Variants in HNRNPH2 observed in about 807,000 individuals in gnomAD.
HNRNPH2 encodes the protein FTP-3.
For missense variants in HNRNPH2, 115 were observed against 352.9 expected, an observed-to-expected ratio of 0.33 and a Z score of 5.40; for synonymous variants, 128 against 128.2, an observed-to-expected ratio of 1.00 and a Z score of 0.01.
chrX:101,413,540 T>C lies in HNRNPH2; in HGVS notation c.*202T>C. ...GAAAACGAGTTAAGTTTAACAGTTT[T>C]GCATTACAGGCTTGTGATTCATGCT... On this transcript the variant is annotated 3_prime_UTR_variant, in exon 2 of 2. Coordinates refer to ENST00000316594, the MANE Select transcript of HNRNPH2 (RefSeq NM_019597.5). 2.7e-6 allele frequency: 1 copy of C among 372,572 alleles called. No homozygotes were observed. The allele number at this position is 372,572 out of a possible 1,213,427, so 30.7% of individuals were successfully genotyped here.
At chrX:101,410,636 A>G (rs782424438) in intron 1 of HNRNPH2, among the ~76,000 whole-genome samples, 18 of 111,418 alleles carry the variant, frequency 1.6e-4, no homozygotes, top group Non-Finnish European at 3.2e-4. Context: ...TTCCTTTAAC[A>G]TATATTTATG....
Position 101,411,840 on chromosome X carries a change from C to A in HNRNPH2, c.-53-96C>A, listed in dbSNP as rs782584491. The A allele has an allele frequency of 5.5e-6, 5 of 916,414 alleles. No individual in the cohort carries two copies. The East Asian group carries it at 1.3e-4, about 24-fold the overall frequency. The allele number at this position is 916,414 out of a possible 1,213,427, so 75.5% of individuals were successfully genotyped here. A position where few individuals can be genotyped will look rare whatever the true frequency, so the allele number is the denominator to read the frequency against. ...TACAGACGTCTTACAGAAAAGCTGTCAGCATAATTGAATTTTCTATTAATA... is the reference window on the plus strand; with the variant it reads ...TACAGACGTCTTACAGAAAAGCTGTAAGCATAATTGAATTTTCTATTAATA... On this transcript the variant is annotated intron_variant, in intron 1 of 1. Coordinates refer to ENST00000316594, the MANE Select transcript of HNRNPH2 (RefSeq NM_019597.5).
At position 101,413,065 on chromosome X, in the gene HNRNPH2, C is replaced by T. The variant is rs782280483; in HGVS notation, c.1077C>T (p.Leu359=). Residue 359 remains leucine, a synonymous_variant, in exon 2 of 2, where the codon CTC becomes CTT. Coordinates refer to ENST00000316594, the MANE Select transcript of HNRNPH2 (RefSeq NM_019597.5). Reference sequence around the variant, plus strand: ...ATATGCAACACAGATATGTGGAGCTCTTCTTAAATTCTACTGCAGGAACAA... The same window carrying T: ...ATATGCAACACAGATATGTGGAGCTTTTCTTAAATTCTACTGCAGGAACAA... ...KANMQHRYVE[L]FLNSTAGTSG... 2.5e-6 allele frequency: 3 copies of T among 1,211,687 alleles called. No individual in the cohort carries two copies. Among genetic ancestry groups the T allele is most frequent in the South Asian group, 3.5e-5 (2 of 56,986 alleles).
intron 1 of HNRNPH2, 59 bp downstream of exon 1, chrX:101,408,378 G>T (rs1928629664): frequency 5.9e-6 from 1 of 169,101 alleles, no homozygotes; most frequent in Non-Finnish European, 1.1e-5. Flanking sequence ...ACCAGAGCGG[G>T]GTTCGGGGGC....
Position 101,410,764 on chromosome X carries a change from C to T in HNRNPH2, c.-53-1172C>T, listed in dbSNP as rs374229135. Among the ~76,000 whole-genome samples, 18 of 111,536 alleles carry T rather than the reference C, an allele frequency of 1.6e-4. 3 individuals carry two copies. In the East Asian group the frequency reaches 1.7e-3, roughly 10 times the overall value. On this transcript the variant is annotated intron_variant, in intron 1 of 1. Coordinates refer to ENST00000316594, the MANE Select transcript of HNRNPH2 (RefSeq NM_019597.5). ...TGGTGAAGTCACCCTACATACTCCCCGGTTTAAAAGTCTTAAAAGGCGCTT... is the reference window on the plus strand; with the variant it reads ...TGGTGAAGTCACCCTACATACTCCCTGGTTTAAAAGTCTTAAAAGGCGCTT...
At chrX:101,411,744 C>T (rs1256920646) in intron 1 of HNRNPH2, among the ~76,000 whole-genome samples, 192 bp from the exon 2 acceptor site, 1 of 111,246 alleles carries the variant, frequency 9.0e-6, no homozygotes, top group Non-Finnish European at 1.9e-5. Context: ...TGGTATCTAA[C>T]ACGTAATAGG....
chrX:101,408,238 A>C lies in HNRNPH2; in HGVS notation c.-135A>C. 1 of 322,379 alleles carries C rather than the reference A, an allele frequency of 3.1e-6. No homozygotes were observed. Among genetic ancestry groups the C allele is most frequent in the East Asian group, 6.5e-5 (1 of 15,287 alleles). 26.6% of individuals were successfully genotyped at this position (322,379 alleles called of 1,213,427 possible). ...CACGTGATTACTCGCTTACGTGAGC[A>C]GAAGTAGTTCTGGTCGTCGTCTACC... On this transcript the variant is annotated 5_prime_UTR_variant, in exon 1 of 2. Coordinates refer to ENST00000316594, the MANE Select transcript of HNRNPH2 (RefSeq NM_019597.5).
At chrX:101,408,655 C>T (rs1928653059) in intron 1 of HNRNPH2, among the ~76,000 whole-genome samples, 1 of 111,562 alleles carries the variant, frequency 9.0e-6, no homozygotes, top group Admixed American at 9.5e-5. Context: ...GAGTGCTGGT[C>T]TATCCATTCA....
intron 1 of HNRNPH2, among the ~76,000 whole-genome samples, chrX:101,408,983 T>A (rs1252109943): frequency 1.8e-5 from 2 of 111,304 alleles, no homozygotes; most frequent in Non-Finnish European, 3.8e-5. Flanking sequence ...CACAAATTCT[T>A]AACTCACAAA....
At chrX:101,411,440 A>C (rs1405894557) in intron 1 of HNRNPH2, among the ~76,000 whole-genome samples, 1 of 35,598 alleles carries the variant, frequency 2.8e-5, no homozygotes, top group Non-Finnish European at 4.5e-5. Context: ...TTTGAGACGG[A>C]GTTTTGCTCT....
In HNRNPH2 at chrX:101,412,186, A is replaced by G. The variant is rs782476057; in HGVS notation, c.198A>G (p.Glu66=). ...TTGTTGAACTTGAATCTGAAGAGGA[A>G]GTGAAATTGGCTTTGAAGAAGGACA... ...EAFVELESEE[E]VKLALKKDRE... Residue 66 remains glutamate, a synonymous_variant, in exon 2 of 2, where the codon GAA becomes GAG. Coordinates refer to ENST00000316594, the MANE Select transcript of HNRNPH2 (RefSeq NM_019597.5). The G allele has an allele frequency of 1.7e-6, 2 of 1,210,331 alleles. No homozygotes were observed. The highest frequency in any genetic ancestry group is 2.2e-5 in the Admixed American group (1 of 45,866).
At chrX:101,408,821 TAAC>T (rs1476324593) in intron 1 of HNRNPH2, among the ~76,000 whole-genome samples, 11 of 112,144 alleles carry the variant, frequency 9.8e-5, no homozygotes, top group South Asian at 7.3e-4. Flanking sequence ...TTTCTGCTGA[TAAC>T]AACAATCTAC....
chrX:101,409,174 A>T (rs1174118723), intron 1 of HNRNPH2, among the ~76,000 whole-genome samples: 1 of 111,302 alleles, frequency 9.0e-6, no homozygotes, highest in Non-Finnish European at 1.9e-5. Context: ...ATCCTGCAAA[A>T]TGAAATAAAA....
At chrX:101,410,885 G>GA (rs781861881) in intron 1 of HNRNPH2, among the ~76,000 whole-genome samples, 3 of 109,781 alleles carry the variant, frequency 2.7e-5, no homozygotes, top group Non-Finnish European at 5.7e-5. Context: ...TCATAATTAA[G>GA]AAAAAAAAAT....
At chrX:101,410,276 G>A (rs193165630) in intron 1 of HNRNPH2, among the ~76,000 whole-genome samples, 1 of 112,304 alleles carries the variant, frequency 8.9e-6, no homozygotes, top group African/African-American at 3.2e-5. Context: ...GTCAAAAGGC[G>A]TGATACATAT....
Position 101,412,579 on chromosome X carries a change from C to A in HNRNPH2, c.591C>A (p.Pro197=), listed in dbSNP as rs782690849. Residue 197 remains proline, a synonymous_variant, in exon 2 of 2, where the codon CCC becomes CCA. Transcript: ENST00000316594. ...SRAEVRTHYD[P]PRKLMAMQRP... ...CTGAAGTTCGAACCCACTATGATCC[C>A]CCTCGAAAGCTCATGGCTATGCAGC... 8.3e-7 allele frequency: 1 copy of A among 1,211,768 alleles called. No individual in the cohort carries two copies. Among genetic ancestry groups the A allele is most frequent in the Non-Finnish European group, 1.1e-6 (1 of 895,433 alleles).
At chrX:101,411,664 C>G (rs1928809310) in intron 1 of HNRNPH2, among the ~76,000 whole-genome samples, 1 of 110,291 alleles carries the variant, frequency 9.1e-6, no homozygotes, top group South Asian at 3.8e-4. Flanking sequence ...ATACACCCAC[C>G]TCAGCCTCCC....
At chrX:101,411,280 C>A (rs1928784344) in intron 1 of HNRNPH2, among the ~76,000 whole-genome samples, 1 of 107,636 alleles carries the variant, frequency 9.3e-6, no homozygotes. Flanking sequence ...ACTTACATAA[C>A]CTGTGTTTTG....
chrX:101,412,450 A>G lies in HNRNPH2; in HGVS notation c.462A>G (p.Glu154=), dbSNP rs781961358. 46 of 1,211,976 alleles carry G rather than the reference A, an allele frequency of 3.8e-5. No individual in the cohort carries two copies. The highest frequency in any genetic ancestry group is 5.1e-5 in the Non-Finnish European group (46 of 895,337). The change falls in exon 2 of 2, where the codon GAA becomes GAG. Residue 154 remains glutamate, a synonymous_variant. Transcript: ENST00000316594. ...ACTTTCAGGGGCGAAGCACAGGGGA[A>G]GCCTTTGTGCAGTTTGCTTCACAGG... ...PVDFQGRSTG[E]AFVQFASQEI... is the part of the protein sequence containing the mutation.
Sources: allele counts gnomAD v4.1 joint callset (sites outside exome capture counted in the v4.1 genomes callset), GRCh38; gene constraint gnomAD v4.1.1; transcripts MANE v1.5; gene names NCBI Gene and HGNC (gene_info 2026-07-23, HGNC 2026-07-21).